The following CSE1L variants were observed in gnomAD, a reference collection of about 807,000 sequenced individuals.
CSE1L encodes exportin-2.
CSE1L carries 24 observed loss-of-function variants against 120.4 expected under a neutral mutation model. The observed-to-expected ratio is 0.20, with a 90% CI of 0.14 to 0.28. The LOEUF (loss-of-function observed/expected upper bound fraction) is 0.28. Among genes scored for constraint, CSE1L ranks in the 10% least tolerant of loss-of-function variants. CSE1L has a pLI of 1.00. For missense variants in CSE1L, 830 were observed against 1,145.2 expected (o/e 0.72, Z 3.97); for synonymous variants, 402 against 398.3 (o/e 1.01, Z -0.11).
intron 13 of CSE1L, 89 bp downstream of exon 13, chr20:49,077,153 C>CTTTTTTTTTTTTTTTTTTTTTTTTTTTTT (rs11439721): frequency 2.6e-6 from 1 of 380,894 alleles, no homozygotes; most frequent in Non-Finnish European, 4.4e-6. Context: ...CCCTTTTGTT[C>CTTTTTTTTTTTTTTTTTTTTTTTTTTTTT]TTTTTTTTTT....
chr20:49,084,067 T>A lies in CSE1L; in HGVS notation c.1524T>A (p.Ile508=). 1 of 1,613,952 alleles carries A rather than the reference T, an allele frequency of 6.2e-7. No individual in the cohort carries two copies. The highest frequency in any genetic ancestry group is 8.5e-7 in the Non-Finnish European group (1 of 1,179,840). Residue 508 remains isoleucine (I), a synonymous_variant, in exon 15 of 25, where the codon ATT becomes ATA. Coordinates refer to ENST00000262982, the MANE Select transcript of CSE1L (RefSeq NM_001316.4). The part of the protein sequence containing the change: ...EHLLVSIPLL[I]NHLQAESIVV... Reference sequence around the variant, plus strand: ...TTTTAGTCTCGATTCCTCTCTTGATTAATCATCTTCAAGCTGAAAGTATTG... The same window carrying A: ...TTTTAGTCTCGATTCCTCTCTTGATAAATCATCTTCAAGCTGAAAGTATTG...
chr20:49,087,457 A>G (rs992421234), intron 16 of CSE1L, among the ~76,000 whole-genome samples: 1 of 149,836 alleles, frequency 6.7e-6, no homozygotes, highest in African/African-American at 2.5e-5. Context: ...TCCCAGGTTC[A>G]AGCGATTCTC....
chr20:49,095,622 T>C (rs1230889690), intron 24 of CSE1L, among the ~76,000 whole-genome samples: 1 of 152,130 alleles, frequency 6.6e-6, no homozygotes, highest in Non-Finnish European at 1.5e-5. Flanking sequence ...TATTTTTTTT[T>C]AATTGCAGCA....
intron 5 of CSE1L, among the ~76,000 whole-genome samples, 196 bp downstream of exon 5, chr20:49,066,706 T>C (rs1383070197): frequency 6.6e-6 from 1 of 152,040 alleles, no homozygotes; most frequent in Non-Finnish European, 1.5e-5. Context: ...TGTGAAATAC[T>C]TAGTCTTGAT....
At chr20:49,073,107 G>A (rs2091944749) in intron 10 of CSE1L, among the ~76,000 whole-genome samples, 1 of 152,030 alleles carries the variant, frequency 6.6e-6, no homozygotes, top group Non-Finnish European at 1.5e-5. Context: ...AGCCTCCCAG[G>A]CTCAAGTGAT....
Position 49,092,102 on chromosome 20 carries a change from G to C in CSE1L, c.2422G>C (p.Glu808Gln). Residue 808 changes from glutamate to glutamine, a missense_variant, in exon 22 of 25, where the codon GAA becomes CAA. By Grantham distance (29) the Glu-to-Gln change is conservative. This residue lies in a region of CSE1L where 112 missense variants were observed against 200.0 expected (regional missense o/e 0.56). Coordinates refer to ENST00000262982, the MANE Select transcript of CSE1L (RefSeq NM_001316.4). The stretch of plus-strand genomic sequence containing the variant: ...AAAATATGGGGCACTAGCACTACAA[G>C]AAATATTTGATGGTATACAACCAAA... The part of the protein sequence containing the change: ...CIKYGALALQ[E>Q]IFDGIQPKMF... 6.4e-7 allele frequency: 1 copy of C among 1,572,350 alleles called. No individual in the cohort carries two copies. The highest frequency in any genetic ancestry group is 1.8e-5 in the Admixed American group (1 of 56,076).
At chr20:49,058,638 T>TA in intron 2 of CSE1L, 90 bp downstream of exon 2, 2 of 995,422 alleles carry the variant, frequency 2.0e-6, no homozygotes, top group East Asian at 2.4e-5. Flanking sequence ...TAAATATATT[T>TA]TAAAAAATTC....
intron 6 of CSE1L, among the ~76,000 whole-genome samples, chr20:49,068,095 AAAC>A (rs2091907458): frequency 6.6e-6 from 1 of 152,204 alleles, no homozygotes; most frequent in Non-Finnish European, 1.5e-5. Context: ...AAAGAATTGG[AAAC>A]AACCTAAATA....
At chr20:49,081,546 A>C (rs961037679) in intron 14 of CSE1L, among the ~76,000 whole-genome samples, 1 of 152,194 alleles carries the variant, frequency 6.6e-6, no homozygotes, top group Non-Finnish European at 1.5e-5. Context: ...CTTAAATGGT[A>C]TCTCATTGCA....
chr20:49,072,380 G>A lies in CSE1L; in HGVS notation c.863G>A (p.Arg288Gln), dbSNP rs773313816. 45 of 1,614,022 alleles carry A rather than the reference G, an allele frequency of 2.8e-5. No homozygotes were observed. Among genetic ancestry groups the A allele is most frequent in the Non-Finnish European group, 3.5e-5 (41 of 1,180,030 alleles). The change falls in exon 9 of 25, where the codon CGA (arginine) becomes CAA (glutamine). Residue 288 changes from arginine (R) to glutamine (Q), a missense_variant. Arg to Gln is a conservative substitution (Grantham distance 43, BLOSUM62 1). Transcript: ENST00000262982. ...YAQKYDEEFQ[R>Q]YLPRFVTAIW... ...CAAAAGTACGATGAAGAATTCCAGC[G>A]ATACCTGCCTCGTTTTGTTACAGCC...
chr20:49,065,312 AATTTTTTTTTTTT>A (rs1480230599), intron 3 of CSE1L, among the ~76,000 whole-genome samples: 1 of 79,398 alleles, frequency 1.3e-5, no homozygotes, highest in Non-Finnish European at 2.4e-5. Context: ...ATGAAAAAAA[AATTTTTTTTTTTT>A]TTTTTTTTTT....
At chr20:49,056,113 T>C (rs999378849) in intron 1 of CSE1L, among the ~76,000 whole-genome samples, 5 of 143,460 alleles carry the variant, frequency 3.5e-5, no homozygotes, top group African/African-American at 1.0e-4. Flanking sequence ...CTAAAATCGC[T>C]TTTTTTTTTT....
At position 49,096,265 on chromosome 20, in the gene CSE1L, G is replaced by A. The variant is rs182795236; in HGVS notation, c.2827-84G>A. 536 of 1,083,902 alleles carry A rather than the reference G, an allele frequency of 4.9e-4. 1 individual carries two copies. The African/African-American group carries it at 7.5e-3, about 15-fold the overall frequency. The allele number at this position is 1,083,902 out of a possible 1,614,324, so 67.1% of individuals were successfully genotyped here. On this transcript the variant is annotated intron_variant, in intron 24 of 24. Coordinates refer to ENST00000262982, the MANE Select transcript of CSE1L (RefSeq NM_001316.4). Reference sequence around the variant, plus strand: ...TTGACTGGCTGCTCTTCCCAGAGCTGTGGCAGCTCTCCCGTAGAAGATGGG... The same window carrying A: ...TTGACTGGCTGCTCTTCCCAGAGCTATGGCAGCTCTCCCGTAGAAGATGGG...
rs1220547897 is a variant in CSE1L, at chr20:49,063,227, A to G, written c.111A>G (p.Glu37=). The change falls in exon 3 of 25, where the codon GAA becomes GAG. Residue 37 remains glutamate (E), a synonymous_variant. Transcript: ENST00000262982. ...RPAEKFLESV[E]GNQNYPLLLL... ...CTGAGAAATTTCTTGAATCTGTTGAAGGAAATCAGAATTATCCACTGTTGC... is the reference window on the plus strand; with the variant it reads ...CTGAGAAATTTCTTGAATCTGTTGAGGGAAATCAGAATTATCCACTGTTGC... The G allele has an allele frequency of 1.3e-6, 2 of 1,584,930 alleles. No individual in the cohort carries two copies. The highest frequency in any genetic ancestry group is 1.7e-6 in the Non-Finnish European group (2 of 1,171,120).
chr20:49,059,979 G>A (rs1193902206), intron 2 of CSE1L, among the ~76,000 whole-genome samples: 1 of 151,878 alleles, frequency 6.6e-6, no homozygotes, highest in Non-Finnish European at 1.5e-5. Flanking sequence ...GAGTCCAGGA[G>A]TTCGAGACCA....
intron 3 of CSE1L, among the ~76,000 whole-genome samples, 191 bp downstream of exon 3, chr20:49,063,535 G>C (rs1049954551): frequency 3.3e-5 from 5 of 152,122 alleles, no homozygotes; most frequent in African/African-American, 1.2e-4. Context: ...TAGCCTTTTA[G>C]TGACAGAATG....
chr20:49,059,982 C>T lies in CSE1L; in HGVS notation c.85+1434C>T, dbSNP rs370808323. ...GGAAGATCCCTTGAGTCCAGGAGTT[C>T]GAGACCAGCCTGGGCAACAAAGCAA... On this transcript the variant is annotated intron_variant, in intron 2 of 24. Transcript: ENST00000262982. Among the ~76,000 whole-genome samples the T allele has an allele frequency of 1.3e-4, 19 of 151,604 alleles. 1 individual carries two copies. The highest frequency in any genetic ancestry group is 8.3e-4 in the South Asian group (4 of 4,798).
Position 49,089,363 on chromosome 20 carries a change from G to A in CSE1L, c.1938G>A (p.Leu646=), listed in dbSNP as rs1481017530. 2.0e-5 allele frequency: 33 copies of A among 1,610,468 alleles called. No homozygotes were observed. The highest frequency in any genetic ancestry group is 2.6e-5 in the Non-Finnish European group (31 of 1,179,176). Residue 646 remains leucine, a synonymous_variant, in exon 18 of 25, where the codon TTG becomes TTA. Transcript: ENST00000262982. Reference sequence around the variant, plus strand: ...TAAATTTTGAGGAGGCTTTGTTTTTGGTGTTTACTGAAATCTTACAAAATG... The same window carrying A: ...TAAATTTTGAGGAGGCTTTGTTTTTAGTGTTTACTGAAATCTTACAAAATG... ...AVVNFEEALF[L]VFTEILQNDV... is the part of the protein sequence containing the mutation.
intron 24 of CSE1L, 50 bp downstream of exon 24, chr20:49,095,013 G>A: frequency 7.1e-7 from 1 of 1,405,494 alleles, no homozygotes; most frequent in Non-Finnish European, 1.0e-6. Flanking sequence ...TTTAATGGGA[G>A]GGCAAAAGGA....
Sources: gnomAD v4.1 joint callset for allele counts (sites outside exome capture counted in the v4.1 genomes callset) on GRCh38, gnomAD v4.1.1 for gene constraint, gnomAD v4.1.1 regional missense constraint, MANE v1.5 for transcripts, NCBI Gene and HGNC (gene_info 2026-07-23, HGNC 2026-07-21) for gene names.